Variants in NID2 observed in about 807,000 individuals in gnomAD.
The protein encoded by NID2 is nidogen-2.
A neutral mutation model predicts 145.4 loss-of-function variants in NID2; 83 were observed. That is an observed-to-expected ratio of 0.57 (90% CI 0.48 to 0.69). The LOEUF (loss-of-function observed/expected upper bound fraction) is 0.69. NID2 is among the 30% of genes least tolerant of loss of function. NID2 has a pLI of 0.00. For synonymous variants in NID2, 739 were observed against 701.3 expected, an observed-to-expected ratio of 1.05 and a Z score of -0.85; for missense variants, 1,807 against 1,765.7, an observed-to-expected ratio of 1.02 and a Z score of -0.42.
intron 12 of NID2, 49 bp from the exon 13 acceptor site, chr14:52,020,227 ACT>A (rs1252435077): frequency 1.2e-6 from 2 of 1,608,626 alleles, no homozygotes; most frequent in Non-Finnish European, 1.7e-6. Flanking sequence ...CTATGACTTC[ACT>A]CACACAATCT....
chr14:52,017,524 C>A (rs932632933), intron 14 of NID2, among the ~76,000 whole-genome samples: 1 of 151,850 alleles, frequency 6.6e-6, no homozygotes, highest in Admixed American at 6.6e-5. Flanking sequence ...TGGTTCCCCC[C>A]CCTTTAAAAT....
At chr14:52,053,201 C>G (rs1195176312) in intron 5 of NID2, among the ~76,000 whole-genome samples, 1 of 152,196 alleles carries the variant, frequency 6.6e-6, no homozygotes, top group Non-Finnish European at 1.5e-5. Flanking sequence ...CTTTAAAAAG[C>G]ACAAACCCGT....
At chr14:52,054,899 G>A (rs962925322) in intron 3 of NID2, among the ~76,000 whole-genome samples, 17 of 152,182 alleles carry the variant, frequency 1.1e-4, no homozygotes, top group African/African-American at 4.1e-4. Context: ...TTATCAATCT[G>A]CCCCATAATC....
At chr14:52,025,802 G>T (rs1891567756) in intron 12 of NID2, among the ~76,000 whole-genome samples, 1 of 151,936 alleles carries the variant, frequency 6.6e-6, no homozygotes, top group Non-Finnish European at 1.5e-5. Context: ...CCTTTTAAAG[G>T]CCCTACCTCT....
chr14:52,032,554 G>T (rs1401484861), intron 9 of NID2, among the ~76,000 whole-genome samples: 1 of 147,464 alleles, frequency 6.8e-6, no homozygotes, highest in Non-Finnish European at 1.5e-5. Flanking sequence ...TCATCCATTA[G>T]GACCCAATGT....
chr14:52,037,820 T>C (rs1239520394), intron 9 of NID2, among the ~76,000 whole-genome samples: 3 of 152,238 alleles, frequency 2.0e-5, no homozygotes, highest in Non-Finnish European at 4.4e-5. Context: ...TAAATTTTTT[T>C]CCAAAAATGT....
intron 5 of NID2, among the ~76,000 whole-genome samples, chr14:52,044,754 A>T: frequency 6.6e-6 from 1 of 151,986 alleles, no homozygotes; most frequent in East Asian, 1.9e-4. Context: ...CCGCAGCCAC[A>T]AGCATGCATC....
chr14:52,068,241 A>G, intron 1 of NID2, 78 bp from the exon 2 acceptor site: 1 of 1,407,388 alleles, frequency 7.1e-7, no homozygotes. Flanking sequence ...GAGGGAAGGG[A>G]ACTGACTTAG....
chr14:52,048,827 T>C (rs1044133997), intron 5 of NID2, among the ~76,000 whole-genome samples: 9 of 152,020 alleles, frequency 5.9e-5, no homozygotes, highest in Admixed American at 2.0e-4. Context: ...CCTGGAGGTG[T>C]TGAAGGAGTG....
In NID2 at chr14:52,020,084, A is replaced by AT. The variant is rs1419748160; in HGVS notation, c.2768dup (p.Tyr923Ter). 6.2e-7 allele frequency: 1 copy of AT among 1,613,986 alleles called. No homozygotes were observed. Among genetic ancestry groups the AT allele is most frequent in the African/African-American group, 1.3e-5 (1 of 74,938 alleles). Reference protein sequence around the residue: ...SFSCRCQPGYYGDGFQCIPDS... With the variant: ...SFSCRCQPGY Reference sequence around the variant, plus strand: ...CAGGTATGCACTGAAATCCATCCCCATAATATCCGGGTTGACAACGGCAGG... The same window carrying AT: ...CAGGTATGCACTGAAATCCATCCCCATTAATATCCGGGTTGACAACGGCAGG... Residue 923 changes from tyrosine (Y) to a stop codon, truncating the protein, a stop_gained and frameshift_variant, in exon 13 of 22, where the codon TAT (tyrosine) becomes TAAT (stop). Transcript: ENST00000216286. LOFTEE classifies it high-confidence loss of function.
intron 9 of NID2, among the ~76,000 whole-genome samples, chr14:52,030,567 A>AACGAAC (rs1185429260): frequency 1.0e-5 from 1 of 99,272 alleles, no homozygotes; most frequent in Non-Finnish European, 2.0e-5. Context: ...AAAGAAAGAA[A>AACGAAC]GGAAGGAAGG....
At chr14:52,012,444 A>G (rs999764441) in intron 16 of NID2, among the ~76,000 whole-genome samples, 1 of 152,172 alleles carries the variant, frequency 6.6e-6, no homozygotes, top group Admixed American at 6.5e-5. Context: ...AAAACAAAAA[A>G]TAAATGAACT....
chr14:52,047,854 C>T (rs1892557035), intron 5 of NID2, among the ~76,000 whole-genome samples: 1 of 152,098 alleles, frequency 6.6e-6, no homozygotes, highest in African/African-American at 2.4e-5. Flanking sequence ...CCATGCAGTC[C>T]TTCACACGGA....
chr14:52,026,823 C>T (rs1891602140), intron 12 of NID2, among the ~76,000 whole-genome samples: 1 of 152,206 alleles, frequency 6.6e-6, no homozygotes, highest in Non-Finnish European at 1.5e-5. Context: ...TTAGAGATTG[C>T]TTAAAATATC....
chr14:52,030,568 G>GAAAGAACGAAC (rs1555363723), intron 9 of NID2, among the ~76,000 whole-genome samples: 1 of 37,694 alleles, frequency 2.7e-5, no homozygotes, highest in African/African-American at 9.3e-5. Context: ...AAGAAAGAAA[G>GAAAGAACGAAC]GAAGGAAGGG....
At chr14:52,042,500 A>C (rs1566764204) in intron 6 of NID2, 150 bp from the exon 7 acceptor site, 11 of 1,071,042 alleles carry the variant, frequency 1.0e-5, no homozygotes, top group East Asian at 5.0e-5. Flanking sequence ...TCCATCTATG[A>C]AACAGTCCTG....
intron 9 of NID2, among the ~76,000 whole-genome samples, chr14:52,035,878 A>ATATATATATATATATATATATATATATG (rs58318209): frequency 7.4e-6 from 1 of 135,204 alleles, no homozygotes; most frequent in Non-Finnish European, 1.5e-5. Flanking sequence ...ATATATATAT[A>ATATATATATATATATATATATATATATG]TGTTTTATTT....
chr14:52,012,431 T>TA (rs1042015819), intron 16 of NID2, among the ~76,000 whole-genome samples: 2 of 152,046 alleles, frequency 1.3e-5, no homozygotes, highest in Non-Finnish European at 2.9e-5. Flanking sequence ...AGACCCCGTC[T>TA]AAAAAACAAA....
intron 3 of NID2, among the ~76,000 whole-genome samples, chr14:52,055,886 C>T (rs1418233330): frequency 1.3e-5 from 2 of 151,716 alleles, no homozygotes; most frequent in African/African-American, 4.8e-5. Flanking sequence ...ATGTGGATTT[C>T]TATAGTAACA....
Sources: allele counts gnomAD v4.1 joint callset (sites outside exome capture counted in the v4.1 genomes callset), GRCh38; gene constraint gnomAD v4.1.1; transcripts MANE v1.5; gene names NCBI Gene and HGNC (gene_info 2026-07-23, HGNC 2026-07-21).